Variants in FLACC1 observed in about 807,000 individuals in gnomAD.
The protein encoded by FLACC1 is flagellum associated containing coiled-coil domains 1.
In FLACC1, 66 loss-of-function variants were observed where a neutral mutation model predicts 62.8. The observed-to-expected ratio is 1.05, with a 90% confidence interval of 0.86 to 1.29. FLACC1 has a LOEUF of 1.29. Ranked by LOEUF, FLACC1 falls within the 50% of genes most tolerant of loss-of-function variation. The pLI, the probability that FLACC1 is intolerant of heterozygous loss-of-function variation, is 0.00. For missense variants in FLACC1, 452 were observed against 489.1 expected (o/e 0.92, Z 0.71); for synonymous variants, 156 against 161.0 (o/e 0.97, Z 0.24).
At chr2:201,301,651 G>A (rs1218014961) in intron 11 of FLACC1, among the ~76,000 whole-genome samples, 1 of 152,212 alleles carries the variant, frequency 6.6e-6, no homozygotes, top group Admixed American at 6.5e-5. Context: ...AAGTTGAAAT[G>A]AAGGAAAAAA....
intron 9 of FLACC1, among the ~76,000 whole-genome samples, chr2:201,327,883 C>T (rs971409454): frequency 4.6e-5 from 7 of 152,144 alleles, no homozygotes; most frequent in African/African-American, 1.7e-4. Context: ...GCACAATTCA[C>T]AGTTGCAAAG....
chr2:201,307,910 T>C (rs1259394625), intron 10 of FLACC1, among the ~76,000 whole-genome samples: 1 of 152,254 alleles, frequency 6.6e-6, no homozygotes, highest in Non-Finnish European at 1.5e-5. Context: ...CCATTCCCTC[T>C]GCTGATGTAA....
At chr2:201,356,561 C>T (rs1407366184) in intron 1 of FLACC1, among the ~76,000 whole-genome samples, 2 of 152,188 alleles carry the variant, frequency 1.3e-5, no homozygotes, top group African/African-American at 4.8e-5. Context: ...GGGCATCCTT[C>T]CAGAAATGTT....
chr2:201,364,286 AC>A, the FLACC1 span, among the ~76,000 whole-genome samples: 1 of 152,136 alleles, frequency 6.6e-6, no homozygotes, highest in Non-Finnish European at 1.5e-5. Flanking sequence ...AAGAAAAAAA[AC>A]CCCAATAATA....
intron 9 of FLACC1, among the ~76,000 whole-genome samples, chr2:201,318,965 G>A (rs1950351503): frequency 1.3e-5 from 2 of 151,730 alleles, no homozygotes; most frequent in Non-Finnish European, 2.9e-5. Context: ...AAGGGGGTGA[G>A]GGATAAAAGA....
At chr2:201,323,467 A>G (rs1295735047) in intron 9 of FLACC1, among the ~76,000 whole-genome samples, 1 of 152,246 alleles carries the variant, frequency 6.6e-6, no homozygotes, top group Non-Finnish European at 1.5e-5. Flanking sequence ...AAAAACTGTC[A>G]GCCAAGAATT....
chr2:201,310,760 A>G (rs1255678850), intron 9 of FLACC1, among the ~76,000 whole-genome samples: 1 of 152,218 alleles, frequency 6.6e-6, no homozygotes, highest in Non-Finnish European at 1.5e-5. Flanking sequence ...AACTAACCCC[A>G]AAGCTAGGAG....
At chr2:201,329,866 A>G (rs1375116747) in intron 9 of FLACC1, among the ~76,000 whole-genome samples, 1 of 152,168 alleles carries the variant, frequency 6.6e-6, no homozygotes, top group Non-Finnish European at 1.5e-5. Context: ...CTGAATCTAA[A>G]ATGAAAGTTG....
At chr2:201,339,901 C>T (rs1172273990) in intron 7 of FLACC1, among the ~76,000 whole-genome samples, 1 of 152,036 alleles carries the variant, frequency 6.6e-6, no homozygotes, top group South Asian at 2.1e-4. Context: ...GGTAGGTTCA[C>T]GGACCCATTG....
At position 201,309,143 on chromosome 2, in the gene FLACC1, G is replaced by C; in HGVS notation, c.775+8C>G. ...TGTCATCAAAAAAGCTAGAGTTTCT[G>C]TACTCACTTTGCTGTAGCAGGATAT... is the stretch of plus-strand genomic sequence containing the variant. On this transcript the variant is annotated splice_region_variant and intron_variant, in intron 10 of 14. Coordinates refer to ENST00000392257, the MANE Select transcript of FLACC1 (RefSeq NM_001127391.3). 6.2e-7 allele frequency: 1 copy of C among 1,609,380 alleles called. No homozygotes were observed. The highest frequency in any genetic ancestry group is 1.7e-5 in the Admixed American group (1 of 60,004).
chr2:201,330,720 C>T lies in FLACC1; in HGVS notation c.622+16G>A, dbSNP rs769080999. On this transcript the variant is annotated intron_variant, in intron 8 of 14. Coordinates refer to ENST00000392257, the MANE Select transcript of FLACC1 (RefSeq NM_001127391.3). The stretch of plus-strand genomic sequence containing the variant: ...GGACCTTCATCCAGGGTCATTCTCC[C>T]AGGTCCCAGCAGTACCTAGCTTCTC... The T allele has an allele frequency of 2.5e-6, 4 of 1,612,084 alleles. No homozygotes were observed. The highest frequency in any genetic ancestry group is 1.7e-4 in the Middle Eastern group (1 of 6,054).
chr2:201,294,183 C>A (rs1559384192), intron 12 of FLACC1, among the ~76,000 whole-genome samples: 1 of 152,192 alleles, frequency 6.6e-6, no homozygotes, highest in Non-Finnish European at 1.5e-5. Flanking sequence ...AGGCCAGCAT[C>A]ATCCTGATAC....
the FLACC1 span, among the ~76,000 whole-genome samples, chr2:201,362,701 CAT>C: frequency 6.6e-6 from 1 of 152,186 alleles, no homozygotes; most frequent in South Asian, 2.1e-4. Context: ...GAGGAAAAGA[CAT>C]AGAGAAAAGC....
chr2:201,352,448 A>G (rs115419401), intron 1 of FLACC1, among the ~76,000 whole-genome samples: 2,509 of 152,348 alleles, frequency 0.016, 35 homozygotes, highest in Non-Finnish European at 0.027. Context: ...TCCAACTAAA[A>G]TTAGAGTACA....
rs1358051944 is a variant in FLACC1 at position 201,346,550 on chromosome 2, T to C, written c.360A>G (p.Arg120=). The change falls in exon 5 of 15, where the codon AGA becomes AGG. Residue 120 remains arginine (R), a synonymous_variant. Transcript: ENST00000392257. The surrounding 1 kb of genome is among the most constrained non-coding windows in gnomAD (Gnocchi z 4.0). Reference sequence around the variant, plus strand: ...TGCTGCAACAGCATTACCTGGAAAATCTGCCTTTGTCCGGGATCTCCGATT... The same window carrying C: ...TGCTGCAACAGCATTACCTGGAAAACCTGCCTTTGTCCGGGATCTCCGATT... The part of the protein sequence containing the change: ...RWESEIPDKG[R]FSRTNIISDL... The C allele has an allele frequency of 1.2e-6, 2 of 1,613,908 alleles. No individual in the cohort carries two copies. Among genetic ancestry groups the C allele is most frequent in the African/African-American group, 1.3e-5 (1 of 75,024 alleles).
intron 7 of FLACC1, 76 bp downstream of exon 7, chr2:201,342,294 T>C (rs565603796): frequency 7.3e-5 from 108 of 1,472,702 alleles, no homozygotes; most frequent in Non-Finnish European, 9.4e-5. Context: ...GAAGTCCCAG[T>C]GAACTAAAAT....
intron 1 of FLACC1, among the ~76,000 whole-genome samples, chr2:201,356,084 C>G (rs965931560): frequency 2.0e-5 from 3 of 152,126 alleles, no homozygotes; most frequent in Non-Finnish European, 4.4e-5. Context: ...GGAGTTGGGA[C>G]AACCAAGGTG....
chr2:201,301,476 G>A (rs1323150619), intron 11 of FLACC1, among the ~76,000 whole-genome samples: 1 of 152,192 alleles, frequency 6.6e-6, no homozygotes, highest in African/African-American at 2.4e-5. Flanking sequence ...GAAAGTGACA[G>A]GGAGAATGGA....
intron 1 of FLACC1, among the ~76,000 whole-genome samples, chr2:201,353,956 A>G (rs1951073937): frequency 6.6e-6 from 1 of 152,248 alleles, no homozygotes; most frequent in Non-Finnish European, 1.5e-5. Context: ...ATAAGAATCA[A>G]TGGCCTAACA....
Sources: gnomAD v4.1 joint callset for allele counts (sites outside exome capture counted in the v4.1 genomes callset) on GRCh38, gnomAD v4.1.1 for gene constraint, Gnocchi (gnomAD v3.1) non-coding constraint, MANE v1.5 for transcripts, NCBI Gene and HGNC (gene_info 2026-07-23, HGNC 2026-07-21) for gene names.